Variants in HIPK2 observed in about 807,000 individuals in gnomAD.
The protein encoded by HIPK2 is homeodomain-interacting protein kinase 2.
In HIPK2, 27 loss-of-function variants were observed where a neutral mutation model predicts 113.7. The ratio of observed to expected loss-of-function variants is 0.24; its 90% confidence interval spans 0.17 to 0.33. The LOEUF (loss-of-function observed/expected upper bound fraction) is 0.33. Ranked by LOEUF, HIPK2 falls within the 10% of genes least tolerant of loss-of-function variation. The pLI is 1.00. For synonymous variants in HIPK2, 631 were observed against 642.2 expected (o/e 0.98, Z 0.26); for missense variants, 1,257 against 1,588.0 (o/e 0.79, Z 3.54).
chr7:139,771,388 G>A (rs751436419), intron 1 of HIPK2, among the ~76,000 whole-genome samples: 4 of 151,864 alleles, frequency 2.6e-5, no homozygotes, highest in Non-Finnish European at 2.9e-5. Context: ...GTGATCAGTG[G>A]AGTCAAGCAG....
At position 139,676,215 on chromosome 7, in the gene HIPK2, G is replaced by A. The variant is rs143117835; in HGVS notation, c.1103+39717C>T. Among the ~76,000 whole-genome samples the A allele has an allele frequency of 9.8e-5, 15 of 152,314 alleles. No homozygotes were observed. In the East Asian group the frequency reaches 2.7e-3, roughly 27 times the overall value. ...GCATCTACTCATCTCTGCTGACGTG[G>A]CACAAGAGTTGCCAGAGACCACAGG... On this transcript the variant is annotated intron_variant, in intron 2 of 14. Coordinates refer to ENST00000406875, the MANE Select transcript of HIPK2 (RefSeq NM_022740.5).
chr7:139,667,861 G>A (rs532597163), intron 2 of HIPK2, among the ~76,000 whole-genome samples: 57 of 151,964 alleles, frequency 3.8e-4, no homozygotes, highest in Admixed American at 7.2e-4. Context: ...GCGGTGGCTC[G>A]CACCTGTAAT....
In HIPK2 at chr7:139,749,798, G is replaced by A. The variant is rs374572185; in HGVS notation, c.19+27807C>T. On this transcript the variant is annotated intron_variant, in intron 1 of 14. Transcript: ENST00000406875. Reference sequence around the variant, plus strand: ...TTCCCTGCACCCTCCTCTGGTATCCGCCACGCCGCACAACAGTTCATACTG... The same window carrying A: ...TTCCCTGCACCCTCCTCTGGTATCCACCACGCCGCACAACAGTTCATACTG... 8.2e-4 allele frequency among the ~76,000 whole-genome samples: 125 copies of A among 152,218 alleles called. No individual in the cohort carries two copies. In the Middle Eastern group the frequency reaches 0.01, roughly 12 times the overall value.
intron 9 of HIPK2, among the ~76,000 whole-genome samples, chr7:139,609,793 C>A (rs892404073): frequency 1.3e-5 from 2 of 152,100 alleles, no homozygotes; most frequent in African/African-American, 4.8e-5. Context: ...CAAAAAGACA[C>A]AACACGATAC....
chr7:139,698,562 T>C (rs1261247137), intron 2 of HIPK2, among the ~76,000 whole-genome samples: 1 of 152,270 alleles, frequency 6.6e-6, no homozygotes, highest in African/African-American at 2.4e-5. Flanking sequence ...CTGTGCCATT[T>C]TACATTCGTA....
At chr7:139,600,978 C>T (rs1378871642) in intron 10 of HIPK2, among the ~76,000 whole-genome samples, 1 of 152,174 alleles carries the variant, frequency 6.6e-6, no homozygotes, top group Non-Finnish European at 1.5e-5. Context: ...TATGGTGGCT[C>T]ACACCTGTAA....
intron 1 of HIPK2, among the ~76,000 whole-genome samples, chr7:139,750,418 C>CTA (rs1298896813): frequency 1.3e-5 from 2 of 152,110 alleles, no homozygotes; most frequent in Non-Finnish European, 2.9e-5. Context: ...TGATCTCTTC[C>CTA]TATATATATA....
chr7:139,728,959 G>A (rs1236453371), intron 1 of HIPK2, among the ~76,000 whole-genome samples: 2 of 152,092 alleles, frequency 1.3e-5, no homozygotes, highest in Non-Finnish European at 2.9e-5. Context: ...ATGTTACAAC[G>A]CTTCTGAAAA....
chr7:139,754,804 G>A (rs559576564), intron 1 of HIPK2, among the ~76,000 whole-genome samples: 15 of 152,216 alleles, frequency 9.9e-5, no homozygotes, highest in East Asian at 3.9e-4. Context: ...AAGGAGAGAC[G>A]ATGATGGAAT....
intron 2 of HIPK2, among the ~76,000 whole-genome samples, chr7:139,679,387 T>C (rs1353291908): frequency 6.6e-6 from 1 of 152,200 alleles, no homozygotes; most frequent in African/African-American, 2.4e-5. Context: ...AGGGGACCCA[T>C]TAAAACCATA....
At chr7:139,605,917 C>T (rs568878603) in intron 9 of HIPK2, among the ~76,000 whole-genome samples, 11 of 152,130 alleles carry the variant, frequency 7.2e-5, no homozygotes, top group Admixed American at 5.9e-4. Context: ...ATAACAATTT[C>T]GTTTGCAGTA....
chr7:139,645,194 T>C (rs138976179), intron 2 of HIPK2, among the ~76,000 whole-genome samples: 5 of 152,178 alleles, frequency 3.3e-5, no homozygotes, highest in Admixed American at 6.5e-5. Flanking sequence ...AGGCTCATCT[T>C]TGGGGTATTT....
chr7:139,682,002 T>G (rs950665561), intron 2 of HIPK2, among the ~76,000 whole-genome samples: 8 of 152,096 alleles, frequency 5.3e-5, no homozygotes, highest in African/African-American at 1.7e-4. Context: ...TGGCTGACAC[T>G]CCTGTTACTC....
At position 139,631,864 on chromosome 7, in the gene HIPK2, G is replaced by A. The variant is rs1800629708; in HGVS notation, c.1104-139C>T. 1.1e-5 allele frequency: 12 copies of A among 1,060,940 alleles called. No individual in the cohort carries two copies. The highest frequency in any genetic ancestry group is 1.6e-5 in the Non-Finnish European group (12 of 759,858). The allele number at this position is 1,060,940 out of a possible 1,614,324, so 65.7% of individuals were successfully genotyped here. A position where few individuals can be genotyped will look rare whatever the true frequency, so the allele number is the denominator to read the frequency against. On this transcript the variant is annotated intron_variant, in intron 2 of 14. Coordinates refer to ENST00000406875, the MANE Select transcript of HIPK2 (RefSeq NM_022740.5). This position sits in a 1 kb window ranked among gnomAD's most constrained non-coding sequence, Gnocchi z 4.9. ...GCCTGTGGCTCTCAGGAGAGGCGCTGTGCTACAACAATCCTTCCATTCTTT... is the reference window on the plus strand; with the variant it reads ...GCCTGTGGCTCTCAGGAGAGGCGCTATGCTACAACAATCCTTCCATTCTTT...
chr7:139,619,151 G>A lies in HIPK2; in HGVS notation c.1782+1250C>T, dbSNP rs1800153377. 3.9e-5 allele frequency among the ~76,000 whole-genome samples: 6 copies of A among 152,282 alleles called. No homozygotes were observed. In the South Asian group the frequency reaches 1.2e-3, roughly 32 times the overall value. ...AAAAGCTAGGCCTGAGCAGGCCAAT[G>A]TGCCACAAGGATGGCCTAGGGGAAA... On this transcript the variant is annotated intron_variant, in intron 7 of 14. Coordinates refer to ENST00000406875, the MANE Select transcript of HIPK2 (RefSeq NM_022740.5).
At chr7:139,720,463 T>A (rs1795374454) in intron 1 of HIPK2, among the ~76,000 whole-genome samples, 1 of 152,256 alleles carries the variant, frequency 6.6e-6, no homozygotes, top group African/African-American at 2.4e-5. Context: ...GGAATCCTCG[T>A]GCCTGACAAG....
chr7:139,564,053 G>C lies in HIPK2; in HGVS notation c.*8874C>G, dbSNP rs1015605300. On this transcript the variant is annotated 3_prime_UTR_variant, in exon 15 of 15. Coordinates refer to ENST00000406875, the MANE Select transcript of HIPK2 (RefSeq NM_022740.5). ...GGGTCTCAATGGACCAGGCTGAGCT[G>C]CCCCTCTGTCTCTGCCTCCTCCTGC... The C allele has an allele frequency of 5.0e-6, 2 of 397,766 alleles. No homozygotes were observed. Among genetic ancestry groups the C allele is most frequent in the South Asian group, 2.8e-4 (2 of 7,238 alleles). 24.6% of individuals were successfully genotyped at this position (397,766 alleles called of 1,614,324 possible).
intron 2 of HIPK2, among the ~76,000 whole-genome samples, chr7:139,702,617 G>T (rs1794744119): frequency 1.3e-5 from 2 of 152,196 alleles, no homozygotes; most frequent in Non-Finnish European, 2.9e-5. Flanking sequence ...TGCCACAGGG[G>T]AAAGCTGGTT....
chr7:139,767,742 CA>C (rs1796576137), intron 1 of HIPK2, among the ~76,000 whole-genome samples: 1 of 152,252 alleles, frequency 6.6e-6, no homozygotes, highest in African/African-American at 2.4e-5. Flanking sequence ...GCAGAGGATG[CA>C]GAAATGCAAC....
Sources: gnomAD v4.1 joint callset for allele counts (sites outside exome capture counted in the v4.1 genomes callset) on GRCh38, gnomAD v4.1.1 for gene constraint, Gnocchi (gnomAD v3.1) non-coding constraint, MANE v1.5 for transcripts, NCBI Gene and HGNC (gene_info 2026-07-23, HGNC 2026-07-21) for gene names.